ROBO2: variants seen among roughly 807,000 people sequenced by gnomAD.
The protein encoded by ROBO2 is roundabout homolog 2.
Under a neutral mutation model 160.8 loss-of-function variants are expected in ROBO2, and 53 were observed. That is an observed-to-expected ratio of 0.33 (90% confidence interval 0.26 to 0.41). ROBO2 has a LOEUF of 0.41. ROBO2 is among the 10% of genes least tolerant of loss of function. ROBO2 has a pLI of 1.00. For synonymous variants in ROBO2, 664 were observed against 611.7 expected, an observed-to-expected ratio of 1.09 and a Z score of -1.26; for missense variants, 1,577 against 1,722.4, an observed-to-expected ratio of 0.92 and a Z score of 1.49.
chr3:76,811,473 G>A (rs1212882707), intron 2 of ROBO2, among the ~76,000 whole-genome samples: 8 of 152,080 alleles, frequency 5.3e-5, no homozygotes, highest in African/African-American at 1.9e-4. Context: ...CTCATCAGAG[G>A]ATGTCTGGAA....
chr3:77,491,326 C>T (rs2086080830), intron 4 of ROBO2, among the ~76,000 whole-genome samples: 1 of 152,188 alleles, frequency 6.6e-6, no homozygotes, highest in African/African-American at 2.4e-5. Context: ...CTTGATGAAT[C>T]ATTTTTCAAT....
chr3:76,699,772 T>C (rs2093008707), intron 2 of ROBO2, among the ~76,000 whole-genome samples: 1 of 152,186 alleles, frequency 6.6e-6, no homozygotes, highest in Admixed American at 6.6e-5. Context: ...AATGTGCTGC[T>C]CGTTCTCTGT....
intron 2 of ROBO2, among the ~76,000 whole-genome samples, chr3:76,336,670 T>C (rs1028738227): frequency 3.3e-5 from 5 of 152,238 alleles, no homozygotes; most frequent in African/African-American, 9.6e-5. Context: ...AACATTTAAG[T>C]CATCCTCTGG....
intron 2 of ROBO2, among the ~76,000 whole-genome samples, chr3:76,457,668 AG>A (rs1461960757): frequency 6.6e-5 from 10 of 152,118 alleles, no homozygotes; most frequent in Non-Finnish European, 1.0e-4. Flanking sequence ...GTGCTAGCTG[AG>A]GTTCTCCATG....
intron 2 of ROBO2, among the ~76,000 whole-genome samples, chr3:77,131,912 G>A (rs576960768): frequency 5.3e-5 from 8 of 152,172 alleles, no homozygotes; most frequent in East Asian, 3.9e-4. Flanking sequence ...GTTTATATAC[G>A]TTTGTGAGTA....
Position 77,132,529 on chromosome 3 carries a change from G to GA in ROBO2, c.388+34196dup, listed in dbSNP as rs1205838961. Among the ~76,000 whole-genome samples, 10 of 152,046 alleles carry GA rather than the reference G, an allele frequency of 6.6e-5. No homozygotes were observed. In the East Asian group the frequency reaches 1.9e-3, roughly 29 times the overall value. On this transcript the variant is annotated intron_variant, in intron 2 of 25. Transcript: ENST00000461745. Reference sequence around the variant, plus strand: ...TTTATACCACAAGGAAGGTCCTGATGAAAAAAAGTCATTCTTGATTACCGT... The same window carrying GA: ...TTTATACCACAAGGAAGGTCCTGATGAAAAAAAAGTCATTCTTGATTACCGT...
chr3:76,296,725 T>C (rs1709094189), intron 2 of ROBO2, among the ~76,000 whole-genome samples: 1 of 152,112 alleles, frequency 6.6e-6, no homozygotes, highest in Admixed American at 6.5e-5. Flanking sequence ...TGAAATAGGG[T>C]CACTCTTCGG....
At chr3:76,574,725 G>C (rs2085178120) in intron 2 of ROBO2, among the ~76,000 whole-genome samples, 2 of 151,930 alleles carry the variant, frequency 1.3e-5, no homozygotes, top group Non-Finnish European at 1.5e-5. Flanking sequence ...AATAGAACCG[G>C]GCTTCTCAAA....
chr3:76,020,489 C>A (rs2066542891), intron 2 of ROBO2, among the ~76,000 whole-genome samples: 1 of 151,094 alleles, frequency 6.6e-6, no homozygotes, highest in South Asian at 2.1e-4. Flanking sequence ...ATTCTATTTC[C>A]CTCTTTATTC....
At chr3:77,395,009 C>A (rs536941662) in intron 2 of ROBO2, among the ~76,000 whole-genome samples, 3 of 152,186 alleles carry the variant, frequency 2.0e-5, no homozygotes, top group Non-Finnish European at 4.4e-5. Flanking sequence ...TTTACATTCA[C>A]AGACTCAAAC....
At chr3:76,956,841 A>G (rs910441775) in intron 2 of ROBO2, among the ~76,000 whole-genome samples, 4 of 152,052 alleles carry the variant, frequency 2.6e-5, no homozygotes, top group African/African-American at 9.7e-5. Flanking sequence ...ACAAATTTGC[A>G]TTTTTGGCAA....
chr3:77,422,591 T>A lies in ROBO2; in HGVS notation c.389-54823T>A, dbSNP rs574780456. 5.6e-4 allele frequency among the ~76,000 whole-genome samples: 85 copies of A among 152,306 alleles called. 2 individuals are homozygous for A. In the South Asian group the frequency reaches 0.013, roughly 23 times the overall value. ...AACCACAGATTCATTCAAATAGAACTGCATTTCAGGCATGGATTTACAAAT... is the reference window on the plus strand; with the variant it reads ...AACCACAGATTCATTCAAATAGAACAGCATTTCAGGCATGGATTTACAAAT... On this transcript the variant is annotated intron_variant, in intron 2 of 25. Coordinates refer to ENST00000461745, the Ensembl canonical transcript of ROBO2.
chr3:76,475,090 G>A (rs1339427824), intron 2 of ROBO2, among the ~76,000 whole-genome samples: 1 of 151,212 alleles, frequency 6.6e-6, no homozygotes, highest in Non-Finnish European at 1.5e-5. Flanking sequence ...ACACTAGCTA[G>A]TTGACCATGT....
chr3:76,660,141 G>A (rs554738323), intron 2 of ROBO2, among the ~76,000 whole-genome samples: 417 of 152,212 alleles, frequency 2.7e-3, no homozygotes, highest in Admixed American at 5.8e-3. Flanking sequence ...TTTTATGCTT[G>A]TGAAATCAAT....
chr3:77,228,044 A>G (rs767286834), intron 2 of ROBO2, among the ~76,000 whole-genome samples: 24 of 152,218 alleles, frequency 1.6e-4, no homozygotes, highest in Non-Finnish European at 3.5e-4. Context: ...TTGACTTCCT[A>G]TTTGACAGAG....
intron 2 of ROBO2, among the ~76,000 whole-genome samples, chr3:76,322,532 T>C (rs372839049): frequency 1.2e-4 from 18 of 152,288 alleles, no homozygotes; most frequent in East Asian, 3.9e-4. Flanking sequence ...AGTATGATTT[T>C]ATTCATCTGT....
At chr3:76,046,452 A>G (rs949616037) in intron 2 of ROBO2, among the ~76,000 whole-genome samples, 1 of 152,076 alleles carries the variant, frequency 6.6e-6, no homozygotes, top group African/African-American at 2.4e-5. Context: ...GATCGAGACC[A>G]TCCCGGCTAA....
chr3:76,330,503 G>A (rs1347292281), intron 2 of ROBO2, among the ~76,000 whole-genome samples: 1 of 152,138 alleles, frequency 6.6e-6, no homozygotes, highest in Non-Finnish European at 1.5e-5. Context: ...AATGTAAGTG[G>A]TAAGGAATTT....
At chr3:77,569,971 CTGTTCCCATGAAGGGAACACAAT>C (rs2093597024) in intron 13 of ROBO2, among the ~76,000 whole-genome samples, 1 of 151,868 alleles carries the variant, frequency 6.6e-6, no homozygotes, top group South Asian at 2.1e-4. Flanking sequence ...TTCTATTCTT[CTGTTCCCATGAAGGGAACACAAT>C]TACGTTATTA....
Sources: gnomAD v4.1 joint callset for allele counts (sites outside exome capture counted in the v4.1 genomes callset) on GRCh38, gnomAD v4.1.1 for gene constraint, MANE v1.5 for transcripts, NCBI Gene and HGNC (gene_info 2026-07-23, HGNC 2026-07-21) for gene names.